The following ASPH variants were observed in gnomAD, a reference collection of about 807,000 sequenced individuals.
The protein encoded by ASPH is aspartyl/asparaginyl beta-hydroxylase.
Under a neutral mutation model 118.4 loss-of-function variants are expected in ASPH, and 100 were observed. The ratio of observed to expected loss-of-function variants is 0.84; its 90% CI spans 0.72 to 1.00. The LOEUF is 1.00. ASPH is among the 50% of genes least tolerant of loss of function. ASPH has a pLI of 0.00. For missense variants in ASPH, 920 were observed against 919.5 expected, an observed-to-expected ratio of 1.00 and a Z score of -0.01; for synonymous variants, 315 against 325.6, an observed-to-expected ratio of 0.97 and a Z score of 0.35.
At position 61,714,441 on chromosome 8, in the gene ASPH, G is replaced by A. The variant is rs1838895610; in HGVS notation, c.-70C>T. 6 of 1,367,008 alleles carry A rather than the reference G, an allele frequency of 4.4e-6. No homozygotes were observed. Among genetic ancestry groups the A allele is most frequent in the Non-Finnish European group, 5.7e-6 (6 of 1,059,272 alleles). 84.7% of individuals were successfully genotyped at this position (1,367,008 alleles called of 1,614,324 possible). On this transcript the variant is annotated 5_prime_UTR_variant, in exon 1 of 25. Transcript: ENST00000379454. ...GTGCGCGGGGGTACACACGCGACGC[G>A]GGAACCGCTGGCGGCGGCGGGCCGC... is the stretch of plus-strand genomic sequence containing the variant.
rs550461521 is a variant in ASPH at position 61,672,918 on chromosome 8, G to A, written c.322+8050C>T. ...TATAGACTTAAGGAGCTAGCCCAGCGGATTATTTAGAAAGGGTCATGGAGC... is the reference window on the plus strand; with the variant it reads ...TATAGACTTAAGGAGCTAGCCCAGCAGATTATTTAGAAAGGGTCATGGAGC... On this transcript the variant is annotated intron_variant, in intron 3 of 24. Coordinates refer to ENST00000379454, the MANE Select transcript of ASPH (RefSeq NM_004318.4). 3.9e-5 allele frequency among the ~76,000 whole-genome samples: 6 copies of A among 152,178 alleles called. No individual in the cohort carries two copies. In the South Asian group the frequency reaches 8.3e-4, roughly 21 times the overall value.
chr8:61,543,018 T>C (rs79965394), intron 21 of ASPH, among the ~76,000 whole-genome samples: 13,436 of 152,248 alleles, frequency 0.088, 677 homozygotes, highest in Non-Finnish European at 0.12. Context: ...TTTTATTTGA[T>C]TGTCAATTTG....
At chr8:61,671,726 A>G (rs1159119281) in intron 3 of ASPH, among the ~76,000 whole-genome samples, 1 of 152,262 alleles carries the variant, frequency 6.6e-6, no homozygotes, top group African/African-American at 2.4e-5. Context: ...CTTAGAACGT[A>G]AGAGAGTTGC....
intron 21 of ASPH, among the ~76,000 whole-genome samples, chr8:61,547,843 T>G (rs556849327): frequency 6.6e-6 from 1 of 152,140 alleles, no homozygotes; most frequent in African/African-American, 2.4e-5. Context: ...AAGAGGGTCC[T>G]AAGGCCAAAA....
Position 61,543,808 on chromosome 8 carries a change from ATTTG to A in ASPH, c.1764+4259_1764+4262del, listed in dbSNP as rs1350702666. Among the ~76,000 whole-genome samples the A allele has an allele frequency of 5.9e-5, 9 of 152,148 alleles. No homozygotes were observed. In the East Asian group the frequency reaches 1.5e-3, roughly 26 times the overall value. ...GTTCATTTTTGTTATCGTTGTCACT[ATTTG>A]TTTGTTTACTGACTTTCTGGATTAA... On this transcript the variant is annotated intron_variant, in intron 21 of 24. Transcript: ENST00000379454.
chr8:61,584,635 C>CTTTCTT (rs1554657147), intron 14 of ASPH, among the ~76,000 whole-genome samples: 1 of 34,564 alleles, frequency 2.9e-5, no homozygotes, highest in Admixed American at 3.7e-4. Flanking sequence ...TTCTTTCCTT[C>CTTTCTT]TTTCTTTCTT....
At chr8:61,638,253 G>C (rs2150887857) in intron 11 of ASPH, 69 bp downstream of exon 11, 1 of 1,536,624 alleles carries the variant, frequency 6.5e-7, no homozygotes, top group East Asian at 2.3e-5. Context: ...TTGTTCCACA[G>C]GTAGGAGTTT....
chr8:61,603,123 G>A (rs537654371), intron 14 of ASPH, among the ~76,000 whole-genome samples: 13 of 149,312 alleles, frequency 8.7e-5, no homozygotes, highest in African/African-American at 3.0e-4. Flanking sequence ...AGCCTGGGAG[G>A]TGGAGATTGC....
intron 4 of ASPH, among the ~76,000 whole-genome samples, chr8:61,652,383 C>T (rs571345239): frequency 3.3e-4 from 50 of 152,332 alleles, no homozygotes; most frequent in Non-Finnish European, 6.3e-4. Context: ...TGAGTCCTCA[C>T]ACACTTCTCC....
intron 15 of ASPH, among the ~76,000 whole-genome samples, 159 bp from the exon 16 acceptor site, chr8:61,577,017 A>G (rs1835380961): frequency 6.6e-6 from 1 of 152,226 alleles, no homozygotes; most frequent in South Asian, 2.1e-4. Flanking sequence ...AGCTATATTA[A>G]GGCAAACAGA....
rs780504282 is a variant in ASPH, at chr8:61,681,021, T to C, written c.269A>G (p.Tyr90Cys). The C allele has an allele frequency of 2.2e-5, 35 of 1,600,658 alleles. No individual in the cohort carries two copies. Among genetic ancestry groups the C allele is most frequent in the Admixed American group, 3.4e-5 (2 of 58,558 alleles). The change falls in exon 3 of 25, where the codon TAT becomes TGT. Residue 90 changes from tyrosine to cysteine, a missense_variant. Transcript: ENST00000379454. ...AAAATCTCCATCACCATCAGCATCATAGATTCCTAGTTTTCCTATAATAGG... is the reference window on the plus strand; with the variant it reads ...AAAATCTCCATCACCATCAGCATCACAGATTCCTAGTTTTCCTATAATAGG... ...YEEVLGKLGI[Y>C]DADGDGDFDV...
intron 14 of ASPH, among the ~76,000 whole-genome samples, chr8:61,617,617 T>C (rs888978791): frequency 1.3e-5 from 2 of 151,890 alleles, no homozygotes; most frequent in South Asian, 4.2e-4. Flanking sequence ...TATTTAGAAA[T>C]GCATAACTAA....
At chr8:61,621,249 G>A (rs1409521060) in intron 13 of ASPH, among the ~76,000 whole-genome samples, 1 of 148,302 alleles carries the variant, frequency 6.7e-6, no homozygotes, top group African/African-American at 2.5e-5. Flanking sequence ...CGGATATGGA[G>A]AAAATACACA....
At chr8:61,506,341 G>A (rs1010541124) in intron 24 of ASPH, among the ~76,000 whole-genome samples, 6 of 152,160 alleles carry the variant, frequency 3.9e-5, no homozygotes, top group African/African-American at 1.4e-4. Flanking sequence ...GGGAATGGGA[G>A]TTATTTAATG....
At chr8:61,504,152 CTG>C (rs1262314877) in intron 24 of ASPH, among the ~76,000 whole-genome samples, 3 of 152,176 alleles carry the variant, frequency 2.0e-5, no homozygotes, top group Admixed American at 1.3e-4. Context: ...CATAAGATAT[CTG>C]TATAGGGACT....
At chr8:61,712,334 T>C (rs1838249645) in intron 1 of ASPH, among the ~76,000 whole-genome samples, 1 of 152,208 alleles carries the variant, frequency 6.6e-6, no homozygotes, top group African/African-American at 2.4e-5. Flanking sequence ...TTTAACTGTT[T>C]AGGGTGATGG....
chr8:61,616,888 C>T (rs770354585), intron 14 of ASPH, among the ~76,000 whole-genome samples: 1 of 152,196 alleles, frequency 6.6e-6, no homozygotes, highest in Non-Finnish European at 1.5e-5. Flanking sequence ...GAAACAGGAA[C>T]CTGGTCTGTC....
chr8:61,579,745 G>C (rs1288055241), intron 15 of ASPH: 2 of 863,914 alleles, frequency 2.3e-6, no homozygotes, highest in African/African-American at 3.3e-5. Context: ...CACTATTCAG[G>C]GTAGCACTGG....
At chr8:61,705,006 C>T (rs1836241264) in intron 1 of ASPH, among the ~76,000 whole-genome samples, 1 of 152,122 alleles carries the variant, frequency 6.6e-6, no homozygotes, top group Admixed American at 6.5e-5. Flanking sequence ...TCAAAAAAGG[C>T]TTCTATAATA....
Sources: gnomAD v4.1 joint callset for allele counts (sites outside exome capture counted in the v4.1 genomes callset) on GRCh38, gnomAD v4.1.1 for gene constraint, MANE v1.5 for transcripts, NCBI Gene and HGNC (gene_info 2026-07-23, HGNC 2026-07-21) for gene names.